The following NPR3 variants were observed in gnomAD, a reference collection of about 807,000 sequenced individuals.
The protein encoded by NPR3 is natriuretic peptide receptor 3, also known as atrial natriuretic peptide receptor 3.
Under a neutral mutation model 54.5 loss-of-function variants are expected in NPR3, and 34 were observed. The ratio of observed to expected loss-of-function variants is 0.62; its 90% CI spans 0.47 to 0.83. NPR3 has a LOEUF of 0.83. Ranked by LOEUF, NPR3 falls within the 40% of genes least tolerant of loss-of-function variation. The pLI is 0.00. For synonymous variants in NPR3, 289 were observed against 297.1 expected, an observed-to-expected ratio of 0.97 and a Z score of 0.28; for missense variants, 674 against 720.8, an observed-to-expected ratio of 0.94 and a Z score of 0.74.
rs549774563 is a variant in NPR3 at position 32,751,989 on chromosome 5, G to A, written c.1059+12959G>A. Among the ~76,000 whole-genome samples the A allele has an allele frequency of 4.6e-4, 70 of 152,216 alleles. 1 individual carries two copies. Among genetic ancestry groups the A allele is most frequent in the African/African-American group, 1.5e-3 (64 of 41,532 alleles). ...GGCCAAGCCAGGTGGATCACCTGAG[G>A]TCGGGAGTTCAAGACCAGCCTGGCC... On this transcript the variant is annotated intron_variant, in intron 3 of 7. Transcript: ENST00000265074.
intron 3 of NPR3, among the ~76,000 whole-genome samples, chr5:32,742,955 C>T (rs996508858): frequency 1.3e-5 from 2 of 152,062 alleles, no homozygotes; most frequent in Non-Finnish European, 2.9e-5. Flanking sequence ...TTGCATTCAT[C>T]GTATTACCAT....
chr5:32,765,321 CAG>C (rs1741394784), intron 3 of NPR3, among the ~76,000 whole-genome samples: 1 of 152,204 alleles, frequency 6.6e-6, no homozygotes, highest in African/African-American at 2.4e-5. Context: ...AATTTCATCA[CAG>C]GGGAATCTTT....
At chr5:32,697,316 C>T (rs1740555296) in intron 1 of NPR3, among the ~76,000 whole-genome samples, 1 of 152,024 alleles carries the variant, frequency 6.6e-6, no homozygotes, top group Non-Finnish European at 1.5e-5. Flanking sequence ...TTCCTTGTTT[C>T]CCTGGAATGA....
chr5:32,760,673 T>A (rs1027673816), intron 3 of NPR3, among the ~76,000 whole-genome samples: 1 of 152,038 alleles, frequency 6.6e-6, no homozygotes, highest in Non-Finnish European at 1.5e-5. Flanking sequence ...AGTGGTTTTT[T>A]TTTTTTTAAA....
rs1738214356 is a variant in NPR3, at chr5:32,711,394, T to G, written c.-383T>G. ...AAACACTTGGACAAGTCTAACTTTT[T>G]TTTTCTTCTACAAAAACGCTTTCAA... On this transcript the variant is annotated 5_prime_UTR_variant, in exon 1 of 8. Transcript: ENST00000265074. The G allele has an allele frequency of 1.0e-6, 1 of 1,004,912 alleles. No individual in the cohort carries two copies. The highest frequency in any genetic ancestry group is 1.2e-6 in the Non-Finnish European group (1 of 843,660). 62.2% of individuals were successfully genotyped at this position (1,004,912 alleles called of 1,614,324 possible).
At chr5:32,709,877 G>C (rs1738122334), upstream of NPR3, 1 of 152,146 alleles carries the variant, frequency 6.6e-6, no homozygotes. Flanking sequence ...TGCGGCACCC[G>C]GGTTGAGTCG....
chr5:32,695,133 A>G (rs576333804), intron 1 of NPR3, among the ~76,000 whole-genome samples: 10 of 152,322 alleles, frequency 6.6e-5, no homozygotes, highest in African/African-American at 2.2e-4. Context: ...TTACTTCTCA[A>G]TCTTCGCTAT....
At chr5:32,733,438 T>C (rs966128322) in intron 2 of NPR3, among the ~76,000 whole-genome samples, 1 of 152,208 alleles carries the variant, frequency 6.6e-6, no homozygotes, top group African/African-American at 2.4e-5. Flanking sequence ...TTTTTGTCCA[T>C]TGGCATTACC....
intron 3 of NPR3, among the ~76,000 whole-genome samples, chr5:32,769,134 G>A (rs944098673): frequency 1.3e-5 from 2 of 152,166 alleles, no homozygotes; most frequent in Admixed American, 1.3e-4. Context: ...CCTCTGTTTG[G>A]TGCTGAGGAG....
chr5:32,692,423 G>A (rs1306679826), intron 1 of NPR3, among the ~76,000 whole-genome samples: 1 of 152,190 alleles, frequency 6.6e-6, no homozygotes, highest in Non-Finnish European at 1.5e-5. Flanking sequence ...TTGTAGGATA[G>A]ATGAGGCACA....
At chr5:32,710,859 G>GTTTTTTTTTTTTTTTTT (rs56022335), upstream of NPR3, 5,446 of 976,344 alleles carry the variant, frequency 5.6e-3, 153 homozygotes, top group Admixed American at 0.018. Flanking sequence ...CCCAGTCCTG[G>GTTTTTTTTTTTTTTTTT]TTTTTTTTTT....
chr5:32,754,644 T>C (rs1373885294), intron 3 of NPR3, among the ~76,000 whole-genome samples: 3 of 152,106 alleles, frequency 2.0e-5, no homozygotes, highest in Non-Finnish European at 2.9e-5. Flanking sequence ...TGGGGTGAAC[T>C]TGCTTCTTGT....
intron 4 of NPR3, among the ~76,000 whole-genome samples, chr5:32,775,927 T>TTC (rs1246489339): frequency 6.6e-6 from 1 of 152,186 alleles, no homozygotes; most frequent in Non-Finnish European, 1.5e-5. Context: ...CTCAAGCAAC[T>TTC]TCTGTTGGCA....
chr5:32,782,523 C>T (rs1248760359), intron 5 of NPR3, among the ~76,000 whole-genome samples: 2 of 152,184 alleles, frequency 1.3e-5, no homozygotes, highest in Non-Finnish European at 2.9e-5. Context: ...AGGGGCAGCA[C>T]TGACAGGGCT....
intron 3 of NPR3, among the ~76,000 whole-genome samples, chr5:32,764,017 G>C (rs1329363897): frequency 6.6e-6 from 1 of 152,098 alleles, no homozygotes; most frequent in African/African-American, 2.4e-5. Context: ...CCTTTTGTAG[G>C]GTTTTCATGG....
Position 32,789,383 on chromosome 5 carries a change from A to C in NPR3, c.*3038A>C, listed in dbSNP as rs1561141018. 2.0e-6 allele frequency: 1 copy of C among 492,766 alleles called. No homozygotes were observed. Among genetic ancestry groups the C allele is most frequent in the East Asian group, 5.5e-5 (1 of 18,066 alleles). 30.5% of individuals were successfully genotyped at this position (492,766 alleles called of 1,614,324 possible). On this transcript the variant is annotated 3_prime_UTR_variant, in exon 8 of 8. Coordinates refer to ENST00000265074, the MANE Select transcript of NPR3 (RefSeq NM_001204375.2). The stretch of plus-strand genomic sequence containing the variant: ...TTTGTATAGAGTCCATCTCTCCCTC[A>C]AGACTGACCACAGGTTTCATGAGAA...
chr5:32,713,818 AC>A (rs1401998545), intron 1 of NPR3, among the ~76,000 whole-genome samples: 3 of 152,198 alleles, frequency 2.0e-5, no homozygotes, highest in Non-Finnish European at 2.9e-5. Context: ...CCTCGGACTC[AC>A]CCTTTAGAGC....
intron 3 of NPR3, among the ~76,000 whole-genome samples, chr5:32,763,762 G>A (rs565634078): frequency 5.9e-5 from 9 of 151,996 alleles, no homozygotes; most frequent in Admixed American, 3.9e-4. Context: ...TCCAGCCCCC[G>A]CATGTCCAGT....
chr5:32,722,217 C>T (rs1738902708), intron 1 of NPR3, among the ~76,000 whole-genome samples: 1 of 152,140 alleles, frequency 6.6e-6, no homozygotes, highest in Admixed American at 6.5e-5. Context: ...TCCTCTGGTC[C>T]TTGGACCCTG....
Sources: allele counts gnomAD v4.1 joint callset (sites outside exome capture counted in the v4.1 genomes callset), GRCh38; gene constraint gnomAD v4.1.1; transcripts MANE v1.5; gene names NCBI Gene and HGNC (gene_info 2026-07-23, HGNC 2026-07-21).